Variants in TUSC3 observed in about 807,000 individuals in gnomAD.
TUSC3 encodes dolichyl-diphosphooligosaccharide--protein glycosyltransferase subunit TUSC3.
Under a neutral mutation model 44.8 loss-of-function variants are expected in TUSC3, and 45 were observed. The observed-to-expected ratio is 1.00, with a 90% CI of 0.79 to 1.29. The LOEUF (loss-of-function observed/expected upper bound fraction) is 1.29. Among genes scored for constraint, TUSC3 ranks in the 50% most tolerant of loss-of-function variants. The pLI is 0.00. For missense variants in TUSC3, 519 were observed against 437.9 expected (o/e 1.19, Z -1.65); for synonymous variants, 212 against 152.9 (o/e 1.39, Z -2.85).
chr8:15,712,683 C>T (rs1438965859), intron 6 of TUSC3, among the ~76,000 whole-genome samples: 1 of 152,042 alleles, frequency 6.6e-6, no homozygotes, highest in African/African-American at 2.4e-5. Flanking sequence ...TACTTTGCTG[C>T]TGCTTGTAAA....
intron 1 of TUSC3, among the ~76,000 whole-genome samples, chr8:15,562,497 C>T (rs1480112802): frequency 6.6e-6 from 1 of 152,070 alleles, no homozygotes; most frequent in African/African-American, 2.4e-5. Context: ...AAATAACACC[C>T]ATTTCTTATC....
chr8:15,784,856 A>G, the TUSC3 span, among the ~76,000 whole-genome samples: 1 of 152,118 alleles, frequency 6.6e-6, no homozygotes, highest in African/African-American at 2.4e-5. Flanking sequence ...TACAGTCAAT[A>G]ACAATGTATT....
intron 2 of TUSC3, among the ~76,000 whole-genome samples, chr8:15,488,554 C>T (rs923631289): frequency 2.0e-5 from 3 of 152,064 alleles, no homozygotes; most frequent in Admixed American, 6.6e-5. Context: ...AATGTTGTGT[C>T]CCCACCAAAT....
intron 2 of TUSC3, among the ~76,000 whole-genome samples, chr8:15,638,665 A>G (rs924360079): frequency 6.6e-6 from 1 of 151,680 alleles, no homozygotes; most frequent in Non-Finnish European, 1.5e-5. Flanking sequence ...AGCTGGGATT[A>G]CAGACATGTG....
intron 1 of TUSC3, among the ~76,000 whole-genome samples, chr8:15,573,168 T>TCTTTCTCTCTCTCTCTC (rs1563296867): frequency 3.5e-5 from 3 of 85,588 alleles, no homozygotes; most frequent in African/African-American, 1.5e-4. Flanking sequence ...TTCTCTCTCT[T>TCTTTCTCTCTCTCTCTC]TCTCTCTCTC....
chr8:15,802,390 A>G, the TUSC3 span, among the ~76,000 whole-genome samples: 1 of 152,184 alleles, frequency 6.6e-6, no homozygotes, highest in Non-Finnish European at 1.5e-5. Flanking sequence ...AATTATGAAA[A>G]TTGTATATAG....
chr8:15,648,474 C>T (rs953346800), intron 2 of TUSC3, among the ~76,000 whole-genome samples: 3 of 149,714 alleles, frequency 2.0e-5, no homozygotes, highest in Admixed American at 6.7e-5. Flanking sequence ...CGCCTGTAAT[C>T]CCAGCACTTT....
the TUSC3 span, among the ~76,000 whole-genome samples, chr8:15,840,212 C>T: frequency 1.3e-5 from 2 of 152,018 alleles, no homozygotes; most frequent in Non-Finnish European, 2.9e-5. Flanking sequence ...GAACATCACA[C>T]ACTGGGACTT....
At chr8:15,768,737 GAA>G (rs1267050319), downstream of TUSC3, among the ~76,000 whole-genome samples, 1 of 152,134 alleles carries the variant, frequency 6.6e-6, no homozygotes, top group African/African-American at 2.4e-5. Flanking sequence ...AGCAACTTCA[GAA>G]AAGTCTCAGG....
chr8:15,712,963 T>G (rs2129200482), intron 6 of TUSC3, among the ~76,000 whole-genome samples: 1 of 152,292 alleles, frequency 6.6e-6, no homozygotes, highest in African/African-American at 2.4e-5. Context: ...AGGTCACCAG[T>G]TATTTCCATG....
chr8:15,500,851 T>A (rs1027588143), intron 2 of TUSC3, among the ~76,000 whole-genome samples: 3 of 152,186 alleles, frequency 2.0e-5, no homozygotes, highest in African/African-American at 7.2e-5. Flanking sequence ...AGAATCTCAG[T>A]TTTCTTTCTT....
At chr8:15,772,105 AAAAG>A in the TUSC3 span, among the ~76,000 whole-genome samples, 635 of 152,240 alleles carry the variant, frequency 4.2e-3, 4 homozygotes, top group African/African-American at 0.014. Flanking sequence ...AAAAAAAAGA[AAAAG>A]AAAGATCTTG....
chr8:15,429,347 G>T (rs979877777), intron 1 of TUSC3, among the ~76,000 whole-genome samples: 1 of 149,520 alleles, frequency 6.7e-6, no homozygotes, highest in African/African-American at 2.6e-5. Flanking sequence ...TTTGGTACCA[G>T]TACCATGCTG....
At chr8:15,501,776 G>A (rs1328151403) in intron 2 of TUSC3, among the ~76,000 whole-genome samples, 1 of 152,154 alleles carries the variant, frequency 6.6e-6, no homozygotes. Context: ...ACAGGATGCT[G>A]ATTGCCTTAC....
rs778733017 is a variant in TUSC3 at position 15,765,984 on chromosome 8, T to C, written c.*1828T>C. ...CAGCTGATTAAATGATATTACAAATTATCTCTAATCTCACTGTAAATCTTT... is the reference window on the plus strand; with the variant it reads ...CAGCTGATTAAATGATATTACAAATCATCTCTAATCTCACTGTAAATCTTT... On this transcript the variant is annotated 3_prime_UTR_variant, in exon 11 of 11. Coordinates refer to ENST00000503731, the MANE Select transcript of TUSC3 (RefSeq NM_006765.4). 1.3e-5 allele frequency: 2 copies of C among 152,068 alleles called. No homozygotes were observed. The highest frequency in any genetic ancestry group is 1.5e-5 in the Non-Finnish European group (1 of 67,962). The allele number at this position is 152,068 out of a possible 1,614,324, so 9.4% of individuals were successfully genotyped here.
At chr8:15,851,972 C>G in the TUSC3 span, among the ~76,000 whole-genome samples, 1 of 152,108 alleles carries the variant, frequency 6.6e-6, no homozygotes, top group South Asian at 2.1e-4. Context: ...TTGCTTGGAT[C>G]TCATTTTTTC....
At chr8:15,434,935 T>C (rs7840238) in intron 1 of TUSC3, among the ~76,000 whole-genome samples, 22,453 of 150,244 alleles carry the variant, frequency 0.15, 1,751 homozygotes, top group Middle Eastern at 0.22. Context: ...CAGTCTATCA[T>C]TGTTGAACAT....
the TUSC3 span, among the ~76,000 whole-genome samples, chr8:15,799,240 T>G: frequency 2.2e-3 from 340 of 152,304 alleles, 1 homozygote; most frequent in Admixed American, 6.4e-3. Context: ...CTACCATTCC[T>G]CCTTAGCACA....
At chr8:15,499,205 C>T (rs929817224) in intron 2 of TUSC3, among the ~76,000 whole-genome samples, 3 of 152,166 alleles carry the variant, frequency 2.0e-5, no homozygotes, top group African/African-American at 4.8e-5. Flanking sequence ...ATGTTTTACT[C>T]TCTATCCTTC....
Sources: allele counts gnomAD v4.1 joint callset (sites outside exome capture counted in the v4.1 genomes callset), GRCh38; gene constraint gnomAD v4.1.1; transcripts MANE v1.5; gene names NCBI Gene and HGNC (gene_info 2026-07-23, HGNC 2026-07-21).